GAB1: variants seen among roughly 807,000 people sequenced by gnomAD.
GAB1 encodes GRB2 associated binding protein 1, also known as GRB2-associated-binding protein 1.
GAB1 carries 19 observed loss-of-function variants against 66.5 expected under a neutral mutation model. That is an observed-to-expected ratio of 0.29 (90% CI 0.20 to 0.42). The LOEUF is 0.42. GAB1 is among the 10% of genes least tolerant of loss of function. The pLI is 1.00. For missense variants in GAB1, 732 were observed against 858.5 expected (o/e 0.85, Z 1.84); for synonymous variants, 294 against 301.4 (o/e 0.98, Z 0.25).
At chr4:143,425,664 G>A in intron 2 of GAB1, 1 of 760,540 alleles carries the variant, frequency 1.3e-6, no homozygotes, top group Non-Finnish European at 2.4e-6. Context: ...CAGAGATCCT[G>A]AAGTGATTAA....
chr4:143,419,924 C>T (rs913735217), intron 2 of GAB1, among the ~76,000 whole-genome samples: 4 of 152,012 alleles, frequency 2.6e-5, no homozygotes, highest in Non-Finnish European at 4.4e-5. Context: ...TCCATAATGG[C>T]GAAACTGCAA....
intron 1 of GAB1, among the ~76,000 whole-genome samples, chr4:143,384,142 A>T (rs1305218110): frequency 6.6e-6 from 1 of 152,194 alleles, no homozygotes; most frequent in East Asian, 1.9e-4. Context: ...CTTCTAAATT[A>T]TAGAAATAAT....
chr4:143,421,423 A>C (rs1733007725), intron 2 of GAB1, among the ~76,000 whole-genome samples: 1 of 152,144 alleles, frequency 6.6e-6, no homozygotes. Context: ...CCATGAGTAT[A>C]ATAACTGTGT....
chr4:143,461,804 G>A (rs4690721), intron 8 of GAB1, among the ~76,000 whole-genome samples: 9 of 152,062 alleles, frequency 5.9e-5, no homozygotes, highest in Non-Finnish European at 1.2e-4. Flanking sequence ...CTATTTAGAG[G>A]TATAAAATAT....
chr4:143,426,441 C>T (rs1733362045), intron 2 of GAB1, among the ~76,000 whole-genome samples: 3 of 152,022 alleles, frequency 2.0e-5, no homozygotes, highest in African/African-American at 7.2e-5. Context: ...GCCCCAGCTA[C>T]GTAGGAGGGG....
chr4:143,358,304 T>C lies in GAB1; in HGVS notation c.72+21044T>C, dbSNP rs17017667. On this transcript the variant is annotated intron_variant, in intron 1 of 9. Transcript: ENST00000262994. ...TTTCATAGCTTTTTTTCCAGTTGAA[T>C]TGTAACAGCCTGTTTAAAAGACAAA... 2.1e-3 allele frequency among the ~76,000 whole-genome samples: 315 copies of C among 152,338 alleles called. 1 individual carries two copies. Among genetic ancestry groups the C allele is most frequent in the African/African-American group, 7.2e-3 (298 of 41,588 alleles).
In GAB1 at chr4:143,433,666, A is replaced by C. The variant is rs777929838; in HGVS notation, c.543A>C (p.Gln181His). The C allele has an allele frequency of 5.6e-6, 9 of 1,614,038 alleles. No homozygotes were observed. The South Asian group carries it at 7.7e-5, about 14-fold the overall frequency. The change falls in exon 3 of 10, where the codon CAA becomes CAC. Residue 181 changes from glutamine to histidine, a missense_variant. By Grantham distance (24) the Gln-to-His change is conservative. Coordinates refer to ENST00000262994, the MANE Select transcript of GAB1 (RefSeq NM_002039.4). ...CTCTTGGCATTCAGGAGGATCCTCA[A>C]GACTACCTGTTGCTCATCAACTGTC... ...LETLGIQEDPQDYLLLINCQS... is the reference protein window; with the variant it reads ...LETLGIQEDPHDYLLLINCQS...
chr4:143,458,893 T>G (rs1382812744), intron 6 of GAB1, among the ~76,000 whole-genome samples: 1 of 152,046 alleles, frequency 6.6e-6, no homozygotes, highest in African/African-American at 2.4e-5. Flanking sequence ...TTTTTCAGTT[T>G]GGGGTTTTAA....
intron 1 of GAB1, among the ~76,000 whole-genome samples, chr4:143,398,905 A>G (rs77597736): frequency 0.027 from 4,091 of 152,140 alleles, 69 homozygotes; most frequent in South Asian, 0.069. Flanking sequence ...ACAAGAAAAA[A>G]AAAGTAAGTA....
chr4:143,337,731 C>G (rs1728707891), intron 1 of GAB1, among the ~76,000 whole-genome samples: 1 of 152,128 alleles, frequency 6.6e-6, no homozygotes, highest in Non-Finnish European at 1.5e-5. Context: ...CTCCGCCCCT[C>G]GAGATGGGTT....
At chr4:143,378,895 A>G (rs759779830) in intron 1 of GAB1, among the ~76,000 whole-genome samples, 24 of 152,224 alleles carry the variant, frequency 1.6e-4, no homozygotes, top group Non-Finnish European at 3.4e-4. Flanking sequence ...TCAAGGTCTC[A>G]CCAGAGACCA....
At chr4:143,340,534 G>T (rs570286702) in intron 1 of GAB1, among the ~76,000 whole-genome samples, 32 of 151,924 alleles carry the variant, frequency 2.1e-4, no homozygotes, top group African/African-American at 7.2e-4. Flanking sequence ...TTTTTGAGAT[G>T]GAGTCTTGCT....
intron 4 of GAB1, 69 bp downstream of exon 4, chr4:143,438,669 T>C: frequency 6.7e-7 from 1 of 1,494,410 alleles, no homozygotes; most frequent in South Asian, 1.3e-5. Flanking sequence ...GAATATTTGT[T>C]CTTTTAAGCG....
intron 1 of GAB1, among the ~76,000 whole-genome samples, chr4:143,341,283 T>G (rs1728816582): frequency 6.6e-6 from 1 of 152,242 alleles, no homozygotes; most frequent in African/African-American, 2.4e-5. Flanking sequence ...GTCTTGGTAG[T>G]ATGCACTCAA....
intron 1 of GAB1, among the ~76,000 whole-genome samples, chr4:143,362,759 T>C (rs530227508): frequency 1.8e-4 from 27 of 152,198 alleles, no homozygotes; most frequent in Non-Finnish European, 3.5e-4. Flanking sequence ...GCATCCTGTT[T>C]TGTCAACAAG....
rs865890635 is a variant in GAB1 at position 143,399,353 on chromosome 4, A to C, written c.73-16124A>C. On this transcript the variant is annotated intron_variant, in intron 1 of 9. Coordinates refer to ENST00000262994, the MANE Select transcript of GAB1 (RefSeq NM_002039.4). ...TAGTTAAACCTACCTAAGTTGAAAC[A>C]AAAGTTTTGGCTTTAGGACAAAAGG... 5.3e-5 allele frequency among the ~76,000 whole-genome samples: 8 copies of C among 152,240 alleles called. No individual in the cohort carries two copies. In the South Asian group the frequency reaches 1.0e-3, roughly 20 times the overall value.
intron 1 of GAB1, 93 bp downstream of exon 1, chr4:143,337,353 G>C: frequency 9.1e-7 from 1 of 1,093,316 alleles, no homozygotes; most frequent in Admixed American, 2.1e-5. Context: ...CGCGCGCGGG[G>C]CTGGTTCTTA....
At chr4:143,406,375 G>C (rs571902793) in intron 1 of GAB1, among the ~76,000 whole-genome samples, 1 of 152,182 alleles carries the variant, frequency 6.6e-6, no homozygotes, top group African/African-American at 2.4e-5. Flanking sequence ...ATTTTTTGCT[G>C]TATTCAGCTA....
At chr4:143,370,723 G>A (rs1020052873) in intron 1 of GAB1, among the ~76,000 whole-genome samples, 29 of 152,146 alleles carry the variant, frequency 1.9e-4, no homozygotes, top group African/African-American at 2.4e-4. Context: ...AACAGGCCCC[G>A]GGGTGTGATG....
Sources: gnomAD v4.1 joint callset for allele counts (sites outside exome capture counted in the v4.1 genomes callset) on GRCh38, gnomAD v4.1.1 for gene constraint, MANE v1.5 for transcripts, NCBI Gene and HGNC (gene_info 2026-07-23, HGNC 2026-07-21) for gene names.